Variants in TEX36 observed in about 807,000 individuals in gnomAD.
TEX36 encodes the protein testis-expressed protein 36.
TEX36 carries 12 observed loss-of-function variants against 13.6 expected under a neutral mutation model. That is an observed-to-expected ratio of 0.88 (90% CI 0.56 to 1.43). The LOEUF (loss-of-function observed/expected upper bound fraction) is 1.43, where lower values mean the gene tolerates loss of function less well. Ranked by LOEUF, TEX36 falls within the 40% of genes most tolerant of loss-of-function variation. The pLI is 0.00. For synonymous variants in TEX36, 93 were observed against 83.0 expected, an observed-to-expected ratio of 1.12 and a Z score of -0.65; for missense variants, 224 against 228.3, an observed-to-expected ratio of 0.98 and a Z score of 0.12.
intron 3 of TEX36, among the ~76,000 whole-genome samples, chr10:125,646,681 G>A (rs1367489558): frequency 7.9e-5 from 12 of 152,034 alleles, no homozygotes; most frequent in Non-Finnish European, 1.8e-4. Context: ...GTGACTTGAA[G>A]AGCCTTAAAA....
At chr10:125,587,763 C>T (rs1278086540) in intron 3 of TEX36, among the ~76,000 whole-genome samples, 2 of 138,192 alleles carry the variant, frequency 1.4e-5, no homozygotes, top group Non-Finnish European at 3.0e-5. Context: ...GCTACAAGGG[C>T]GAGCGAAGCT....
intron 3 of TEX36, among the ~76,000 whole-genome samples, chr10:125,660,641 A>G (rs904244827): frequency 1.3e-5 from 2 of 152,162 alleles, no homozygotes; most frequent in Admixed American, 6.5e-5. Flanking sequence ...TCCTTATATT[A>G]TGTAAGCTCC....
chr10:125,610,240 A>G (rs917082602), intron 3 of TEX36, among the ~76,000 whole-genome samples: 5 of 152,218 alleles, frequency 3.3e-5, no homozygotes, highest in African/African-American at 1.2e-4. Flanking sequence ...TGCTCTGCCT[A>G]TGGAGTAGCC....
At chr10:125,638,280 C>T (rs956013059) in intron 3 of TEX36, among the ~76,000 whole-genome samples, 7 of 151,872 alleles carry the variant, frequency 4.6e-5, no homozygotes, top group Non-Finnish European at 1.0e-4. Flanking sequence ...TCAGCCTGGG[C>T]ATTTCCATTC....
chr10:125,626,533 G>A (rs1265706582), intron 3 of TEX36, among the ~76,000 whole-genome samples: 1 of 152,214 alleles, frequency 6.6e-6, no homozygotes, highest in Non-Finnish European at 1.5e-5. Context: ...CCACACAGAA[G>A]TGAAGATATA....
intron 3 of TEX36, among the ~76,000 whole-genome samples, chr10:125,649,824 A>G (rs12256676): frequency 1.0e-3 from 159 of 152,142 alleles, no homozygotes; most frequent in African/African-American, 3.3e-3. Context: ...AATGGAAAAC[A>G]AAAAAAAGCA....
chr10:125,658,918 A>G (rs1469823424), intron 3 of TEX36, among the ~76,000 whole-genome samples: 5 of 152,162 alleles, frequency 3.3e-5, no homozygotes, highest in African/African-American at 1.2e-4. Flanking sequence ...AACAAAAACA[A>G]TTGCAAGTAT....
chr10:125,680,816 G>C (rs576178989), intron 1 of TEX36, among the ~76,000 whole-genome samples: 91 of 152,372 alleles, frequency 6.0e-4, no homozygotes, highest in African/African-American at 1.5e-3. Flanking sequence ...TTGGGGAACA[G>C]TGCCTTTCTC....
At chr10:125,619,421 A>G (rs1468784364), downstream of TEX36, among the ~76,000 whole-genome samples, 1 of 151,786 alleles carries the variant, frequency 6.6e-6, no homozygotes, top group Non-Finnish European at 1.5e-5. Flanking sequence ...CACCACCCAC[A>G]TTCCCCTCTC....
At chr10:125,676,454 A>G (rs930988848) in intron 1 of TEX36, among the ~76,000 whole-genome samples, 9 of 152,036 alleles carry the variant, frequency 5.9e-5, no homozygotes, top group African/African-American at 2.2e-4. Context: ...TTCCATTTGC[A>G]TGGAATATCT....
rs962595367 is a variant in TEX36, at chr10:125,655,795, G to T, written c.*105C>A. ...TTTTGACCTTATAAAAATCATAAAAGTACTTTAAAAATTAAATAGTGGTGC... is the reference window on the plus strand; with the variant it reads ...TTTTGACCTTATAAAAATCATAAAATTACTTTAAAAATTAAATAGTGGTGC... On this transcript the variant is annotated 3_prime_UTR_variant, in exon 4 of 4. Transcript: ENST00000368821. 3 of 1,353,452 alleles carry T rather than the reference G, an allele frequency of 2.2e-6. No individual in the cohort carries two copies. Among genetic ancestry groups the T allele is most frequent in the African/African-American group, 1.5e-5 (1 of 67,628 alleles). The allele number at this position is 1,353,452 out of a possible 1,614,324, so 83.8% of individuals were successfully genotyped here.
chr10:125,661,088 T>A lies in TEX36; in HGVS notation c.197A>T (p.Asn66Ile). Reference sequence around the variant, plus strand: ...GTCATGCACGGAGAAGGGGAACTGGTTATTCACTGCTTGCTGGAAAAGTGG... The same window carrying A: ...GTCATGCACGGAGAAGGGGAACTGGATATTCACTGCTTGCTGGAAAAGTGG... ...YKVREKQAVN[N>I]QFPFSVHDNR... The change falls in exon 3 of 4, where the codon AAC becomes ATC. Residue 66 changes from asparagine (N) to isoleucine (I), a missense_variant. Coordinates refer to ENST00000368821, the MANE Select transcript of TEX36 (RefSeq NM_001128202.3). 1 of 1,551,898 alleles carries A rather than the reference T, an allele frequency of 6.4e-7. No homozygotes were observed. The highest frequency in any genetic ancestry group is 8.7e-7 in the Non-Finnish European group (1 of 1,147,004).
intron 3 of TEX36, among the ~76,000 whole-genome samples, chr10:125,583,009 C>G (rs1845901865): frequency 6.6e-6 from 1 of 152,126 alleles, no homozygotes; most frequent in Admixed American, 6.5e-5. Flanking sequence ...TCTTGCTAAT[C>G]TAATAATATT....
intron 3 of TEX36, among the ~76,000 whole-genome samples, chr10:125,627,809 G>A (rs1846505728): frequency 6.6e-6 from 1 of 152,220 alleles, no homozygotes; most frequent in African/African-American, 2.4e-5. Flanking sequence ...TCTGGGAGCT[G>A]CAGACGCCAG....
Position 125,682,986 on chromosome 10 carries a change from T to C in TEX36, c.4A>G (p.Thr2Ala). 6.4e-7 allele frequency: 1 copy of C among 1,551,738 alleles called. No individual in the cohort carries two copies. Among genetic ancestry groups the C allele is most frequent in the Non-Finnish European group, 8.7e-7 (1 of 1,146,998 alleles). ...GGTGGGTTGAAGCGTCGCCCTTTGG[T>C]CATTCTCTCCAGGAAGCTGAATGTG... M[T>A]KGRRFNPPSD... is the part of the protein sequence containing the mutation. The change falls in exon 1 of 4, where the codon ACC (threonine) becomes GCC (alanine). Residue 2 changes from threonine (T) to alanine (A), a missense_variant. By Grantham distance (58) the Thr-to-Ala change is moderately conservative. Transcript: ENST00000368821.
intron 3 of TEX36, among the ~76,000 whole-genome samples, chr10:125,629,229 G>T (rs554097698): frequency 7.7e-4 from 117 of 152,302 alleles, no homozygotes; most frequent in Non-Finnish European, 1.3e-3. Context: ...TGGTGTGCAA[G>T]GAGCACCCTG....
At chr10:125,618,682 C>T (rs72631142), downstream of TEX36, among the ~76,000 whole-genome samples, 88 of 152,158 alleles carry the variant, frequency 5.8e-4, no homozygotes, top group East Asian at 0.014. Flanking sequence ...ATACCATGGC[C>T]TTCAGCTAGT....
At chr10:125,670,443 T>C (rs1847205159) in intron 1 of TEX36, among the ~76,000 whole-genome samples, 1 of 152,230 alleles carries the variant, frequency 6.6e-6, no homozygotes, top group South Asian at 2.1e-4. Flanking sequence ...AATGGGGTTT[T>C]TTTCTTGTAA....
At chr10:125,649,077 C>T (rs1006332162) in intron 3 of TEX36, among the ~76,000 whole-genome samples, 1 of 152,136 alleles carries the variant, frequency 6.6e-6, no homozygotes, top group Non-Finnish European at 1.5e-5. Flanking sequence ...CTTGGAAAAC[C>T]TCTTCAGGAT....
Sources: gnomAD v4.1 joint callset for allele counts (sites outside exome capture counted in the v4.1 genomes callset) on GRCh38, gnomAD v4.1.1 for gene constraint, MANE v1.5 for transcripts, NCBI Gene and HGNC (gene_info 2026-07-23, HGNC 2026-07-21) for gene names.